The following KCNJ3 variants were observed in gnomAD, a reference collection of about 807,000 sequenced individuals.
KCNJ3 encodes potassium inwardly rectifying channel subfamily J member 3.
A neutral mutation model predicts 39.2 loss-of-function variants in KCNJ3; 4 were observed. That is an observed-to-expected ratio of 0.10 (90% CI 0.05 to 0.23). KCNJ3 has a LOEUF of 0.23. Among genes scored for constraint, KCNJ3 ranks in the 10% least tolerant of loss-of-function variants. KCNJ3 has a pLI of 1.00. For synonymous variants in KCNJ3, 230 were observed against 237.4 expected, an observed-to-expected ratio of 0.97 and a Z score of 0.29; for missense variants, 276 against 634.9, an observed-to-expected ratio of 0.43 and a Z score of 6.08.
At chr2:154,795,069 T>C (rs1686699417) in intron 2 of KCNJ3, among the ~76,000 whole-genome samples, 1 of 152,042 alleles carries the variant, frequency 6.6e-6, no homozygotes, top group Non-Finnish European at 1.5e-5. Flanking sequence ...CACAGGACAT[T>C]AAGGAATCTT....
intron 2 of KCNJ3, among the ~76,000 whole-genome samples, chr2:154,723,157 T>A (rs1466287870): frequency 6.6e-6 from 1 of 152,034 alleles, no homozygotes; most frequent in Non-Finnish European, 1.5e-5. Context: ...TGGTGGCACG[T>A]GCCTGTGATC....
At chr2:154,725,263 T>C (rs1485100237) in intron 2 of KCNJ3, among the ~76,000 whole-genome samples, 1 of 151,330 alleles carries the variant, frequency 6.6e-6, no homozygotes, top group Admixed American at 6.6e-5. Context: ...ACTTCTCTTC[T>C]ATAGACACGT....
chr2:154,806,134 G>A (rs1052913983), intron 2 of KCNJ3, among the ~76,000 whole-genome samples: 6 of 152,074 alleles, frequency 3.9e-5, no homozygotes, highest in Admixed American at 3.9e-4. Flanking sequence ...AATTGTGAAG[G>A]TTCTGAGATT....
intron 2 of KCNJ3, among the ~76,000 whole-genome samples, chr2:154,754,237 T>C (rs866812785): frequency 6.6e-6 from 1 of 152,192 alleles, no homozygotes. Context: ...TTAATTAACC[T>C]AGCACTCCTT....
intron 2 of KCNJ3, among the ~76,000 whole-genome samples, chr2:154,789,527 A>G (rs1465263155): frequency 1.3e-5 from 2 of 152,196 alleles, no homozygotes; most frequent in East Asian, 3.9e-4. Context: ...TGCACTCAAA[A>G]GTGCCATGCA....
chr2:154,781,798 A>C (rs1220664976), intron 2 of KCNJ3, among the ~76,000 whole-genome samples: 1 of 152,160 alleles, frequency 6.6e-6, no homozygotes, highest in Non-Finnish European at 1.5e-5. Context: ...TATGATGTAA[A>C]TGTGGAGTAT....
intron 2 of KCNJ3, among the ~76,000 whole-genome samples, chr2:154,786,143 G>A (rs1686525141): frequency 6.6e-6 from 1 of 152,196 alleles, no homozygotes; most frequent in African/African-American, 2.4e-5. Context: ...CTCAGACTGA[G>A]GCCTTTGGAA....
intron 2 of KCNJ3, among the ~76,000 whole-genome samples, chr2:154,746,634 ATATATGTG>A (rs1685748838): frequency 2.6e-5 from 3 of 116,640 alleles, no homozygotes; most frequent in African/African-American, 8.7e-5. Flanking sequence ...ATATATATGT[ATATATGTG>A]TATATATATG....
chr2:154,795,587 C>T (rs1686707926), intron 2 of KCNJ3, among the ~76,000 whole-genome samples: 1 of 152,114 alleles, frequency 6.6e-6, no homozygotes, highest in African/African-American at 2.4e-5. Flanking sequence ...ATTTTCAAGT[C>T]TTTAGCTTAC....
Position 154,841,076 on chromosome 2 carries a change from T to C in KCNJ3, c.920-13651T>C, listed in dbSNP as rs188233208. Among the ~76,000 whole-genome samples, 430 of 152,304 alleles carry C rather than the reference T, an allele frequency of 2.8e-3. 4 individuals are homozygous for C. The highest frequency in any genetic ancestry group is 0.01 in the African/African-American group (423 of 41,564). On this transcript the variant is annotated intron_variant, in intron 2 of 2. Transcript: ENST00000295101. Reference sequence around the variant, plus strand: ...TATGATATTGGCTGTGGGTTTGTCATAAATAGCTCTTATTATTTCAAGATA... The same window carrying C: ...TATGATATTGGCTGTGGGTTTGTCACAAATAGCTCTTATTATTTCAAGATA...
At chr2:154,709,581 C>T in intron 1 of KCNJ3, 22 bp from the exon 2 acceptor site, 1 of 1,605,554 alleles carries the variant, frequency 6.2e-7, no homozygotes, top group South Asian at 1.1e-5. Flanking sequence ...GATTTCTTCT[C>T]TTTTTCTGTG....
intron 2 of KCNJ3, among the ~76,000 whole-genome samples, chr2:154,754,114 A>T (rs1461617654): frequency 6.6e-6 from 1 of 152,168 alleles, no homozygotes; most frequent in East Asian, 1.9e-4. Context: ...GTTCCCATCT[A>T]TTCCCGTTTT....
intron 2 of KCNJ3, among the ~76,000 whole-genome samples, chr2:154,818,133 T>C (rs1687113007): frequency 6.6e-6 from 1 of 152,186 alleles, no homozygotes; most frequent in Non-Finnish European, 1.5e-5. Flanking sequence ...TATTAACTTA[T>C]ATATGATATA....
chr2:154,851,942 A>AT (rs1687763072), intron 2 of KCNJ3, among the ~76,000 whole-genome samples: 3 of 152,202 alleles, frequency 2.0e-5, no homozygotes. Flanking sequence ...CAATGTGAAA[A>AT]TAAAAAAAAG....
intron 2 of KCNJ3, among the ~76,000 whole-genome samples, chr2:154,841,129 A>G (rs983536787): frequency 8.5e-5 from 13 of 152,146 alleles, no homozygotes; most frequent in African/African-American, 3.1e-4. Context: ...GTTTATTGAG[A>G]GTTTTTAACA....
intron 2 of KCNJ3, among the ~76,000 whole-genome samples, chr2:154,783,005 C>G (rs575459877): frequency 2.0e-5 from 3 of 152,008 alleles, no homozygotes; most frequent in African/African-American, 7.2e-5. Context: ...GGGGAAACCC[C>G]GTCTCTACTA....
chr2:154,704,566 A>G (rs1262919044), intron 1 of KCNJ3, among the ~76,000 whole-genome samples: 3 of 152,192 alleles, frequency 2.0e-5, no homozygotes, highest in Non-Finnish European at 4.4e-5. Flanking sequence ...TTTGGACTTG[A>G]CATTGGGTCA....
chr2:154,802,710 T>C (rs1254602181), intron 2 of KCNJ3, among the ~76,000 whole-genome samples: 1 of 152,184 alleles, frequency 6.6e-6, no homozygotes, highest in Non-Finnish European at 1.5e-5. Flanking sequence ...AGTCTCATAG[T>C]TTCACAGATA....
At chr2:154,838,162 C>A (rs1687502053) in intron 2 of KCNJ3, among the ~76,000 whole-genome samples, 1 of 152,100 alleles carries the variant, frequency 6.6e-6, no homozygotes, top group Non-Finnish European at 1.5e-5. Context: ...GGAATGACTT[C>A]ATAAAATTAA....
Sources: allele counts gnomAD v4.1 joint callset (sites outside exome capture counted in the v4.1 genomes callset), GRCh38; gene constraint gnomAD v4.1.1; transcripts MANE v1.5; gene names NCBI Gene and HGNC (gene_info 2026-07-23, HGNC 2026-07-21).